CYTH3: variants seen among roughly 807,000 people sequenced by gnomAD.
The protein encoded by CYTH3 is cytohesin-3.
Under a neutral mutation model 55.1 loss-of-function variants are expected in CYTH3, and 23 were observed. The observed-to-expected ratio is 0.42, with a 90% CI of 0.30 to 0.59. The LOEUF (loss-of-function observed/expected upper bound fraction) is 0.59. CYTH3 is among the 20% of genes least tolerant of loss of function. The pLI is 0.20. For synonymous variants in CYTH3, 249 were observed against 194.9 expected (o/e 1.28, Z -2.31); for missense variants, 413 against 524.8 (o/e 0.79, Z 2.08).
chr7:6,222,959 T>C (rs1434164730), intron 1 of CYTH3, among the ~76,000 whole-genome samples: 1 of 152,234 alleles, frequency 6.6e-6, no homozygotes, highest in Non-Finnish European at 1.5e-5. Context: ...CAATAATTAA[T>C]AAATGTAAAG....
At chr7:6,185,734 C>T (rs1169936466) in intron 4 of CYTH3, among the ~76,000 whole-genome samples, 4 of 151,580 alleles carry the variant, frequency 2.6e-5, no homozygotes, top group Admixed American at 6.6e-5. Context: ...GGTGCAGTGG[C>T]GCATACCTGC....
chr7:6,239,709 T>A (rs940125244), intron 1 of CYTH3, among the ~76,000 whole-genome samples: 3 of 152,196 alleles, frequency 2.0e-5, no homozygotes, highest in African/African-American at 7.2e-5. Flanking sequence ...ATCAATAGCT[T>A]TCATAAATTC....
At chr7:6,231,267 G>T (rs559122214) in intron 1 of CYTH3, among the ~76,000 whole-genome samples, 5 of 152,196 alleles carry the variant, frequency 3.3e-5, no homozygotes, top group Non-Finnish European at 7.4e-5. Flanking sequence ...TAAACTCTAC[G>T]AGAGAAAAGA....
intron 6 of CYTH3, chr7:6,173,041 C>T: frequency 9.3e-7 from 1 of 1,073,840 alleles, no homozygotes. Flanking sequence ...CCACCAGAAG[C>T]CCTGCCTCCT....
At chr7:6,237,168 C>G (rs929100420) in intron 1 of CYTH3, among the ~76,000 whole-genome samples, 3 of 152,318 alleles carry the variant, frequency 2.0e-5, no homozygotes, top group Middle Eastern at 3.4e-3. Context: ...AGAGCGAGTT[C>G]TACACAAACT....
intron 1 of CYTH3, among the ~76,000 whole-genome samples, chr7:6,227,841 G>A (rs984416833): frequency 2.6e-5 from 4 of 152,176 alleles, no homozygotes; most frequent in Admixed American, 6.5e-5. Flanking sequence ...GAATTCCACA[G>A]TGAATGTGAA....
chr7:6,245,078 C>T (rs1338385631), intron 1 of CYTH3, among the ~76,000 whole-genome samples: 1 of 145,524 alleles, frequency 6.9e-6, no homozygotes, highest in African/African-American at 2.6e-5. Flanking sequence ...CCCGGCCTTC[C>T]AAAGTGCTGG....
At chr7:6,251,513 G>A (rs377532656) in intron 1 of CYTH3, among the ~76,000 whole-genome samples, 5 of 152,006 alleles carry the variant, frequency 3.3e-5, no homozygotes, top group Admixed American at 1.3e-4. Flanking sequence ...TCAAAATACC[G>A]TTCATGGCGG....
At chr7:6,181,391 G>A (rs1583751946) in intron 4 of CYTH3, among the ~76,000 whole-genome samples, 1 of 152,212 alleles carries the variant, frequency 6.6e-6, no homozygotes, top group South Asian at 2.1e-4. Context: ...GTGAGTGACA[G>A]GACAGACAGA....
At chr7:6,259,735 A>G (rs1780229655) in intron 1 of CYTH3, among the ~76,000 whole-genome samples, 1 of 46,330 alleles carries the variant, frequency 2.2e-5, no homozygotes, top group Non-Finnish European at 3.6e-5. Context: ...TTTTACATAC[A>G]TATATATAAT....
intron 1 of CYTH3, among the ~76,000 whole-genome samples, chr7:6,248,761 G>A (rs1779889181): frequency 2.6e-5 from 4 of 152,324 alleles, no homozygotes; most frequent in South Asian, 2.1e-4. Context: ...CCTGCACTGA[G>A]TTCTAAGGAA....
intron 1 of CYTH3, among the ~76,000 whole-genome samples, chr7:6,213,272 T>C (rs1784360771): frequency 6.6e-6 from 1 of 152,200 alleles, no homozygotes; most frequent in South Asian, 2.1e-4. Flanking sequence ...CTCTTTGCAA[T>C]TAAAAGAGCT....
chr7:6,221,203 C>T lies in CYTH3; in HGVS notation c.35-30672G>A, dbSNP rs144764679. Among the ~76,000 whole-genome samples, 997 of 152,150 alleles carry T rather than the reference C, an allele frequency of 6.6e-3. 11 individuals carry two copies. Among genetic ancestry groups the T allele is most frequent in the African/African-American group, 0.023 (946 of 41,510 alleles). ...AAATAAACTGTGATATATATCCATA[C>T]CATGGAATATTATCTAGCAATAAAA... On this transcript the variant is annotated intron_variant, in intron 1 of 12. Transcript: ENST00000350796.
At chr7:6,177,974 G>A (rs779227004) in intron 4 of CYTH3, 33 bp from the exon 5 acceptor site, 6 of 1,516,554 alleles carry the variant, frequency 4.0e-6, no homozygotes, top group Non-Finnish European at 4.6e-6. Flanking sequence ...CACTGGTTAG[G>A]AGTGTCACTC....
intron 1 of CYTH3, among the ~76,000 whole-genome samples, chr7:6,218,034 T>C (rs910075004): frequency 2.0e-5 from 3 of 151,716 alleles, no homozygotes; most frequent in Non-Finnish European, 4.4e-5. Flanking sequence ...AATACAAAAA[T>C]TAGCCAGGTA....
At chr7:6,186,273 C>G (rs905400772) in intron 4 of CYTH3, among the ~76,000 whole-genome samples, 4 of 150,326 alleles carry the variant, frequency 2.7e-5, no homozygotes, top group Non-Finnish European at 5.9e-5. Context: ...AAAGTGCAGA[C>G]CGACTGAAGA....
chr7:6,256,416 T>C (rs907336731), intron 1 of CYTH3, among the ~76,000 whole-genome samples: 4 of 152,178 alleles, frequency 2.6e-5, no homozygotes, highest in African/African-American at 7.2e-5. Flanking sequence ...TTGCTCCCCT[T>C]TACAGGTATA....
intron 4 of CYTH3, among the ~76,000 whole-genome samples, chr7:6,184,530 G>C (rs970408349): frequency 6.6e-6 from 1 of 152,182 alleles, no homozygotes; most frequent in Non-Finnish European, 1.5e-5. Context: ...ATGAAGAAAA[G>C]TTTACGCTCA....
chr7:6,255,104 A>C (rs374424954), intron 1 of CYTH3, among the ~76,000 whole-genome samples: 117 of 152,338 alleles, frequency 7.7e-4, no homozygotes, highest in African/African-American at 2.6e-3. Context: ...GATTTTTGAT[A>C]AATTCTTCAT....
Sources: allele counts gnomAD v4.1 joint callset (sites outside exome capture counted in the v4.1 genomes callset), GRCh38; gene constraint gnomAD v4.1.1; transcripts MANE v1.5; gene names NCBI Gene and HGNC (gene_info 2026-07-23, HGNC 2026-07-21).